The following GRM5 variants were observed in gnomAD, a reference collection of about 807,000 sequenced individuals.
The protein encoded by GRM5 is metabotropic glutamate receptor 5.
In GRM5, 19 loss-of-function variants were observed where a neutral mutation model predicts 83.1. The observed-to-expected ratio is 0.23, with a 90% CI of 0.16 to 0.34. The LOEUF (loss-of-function observed/expected upper bound fraction) is 0.34. Ranked by LOEUF, GRM5 falls within the 10% of genes least tolerant of loss-of-function variation. The pLI is 1.00. For synonymous variants in GRM5, 675 were observed against 633.6 expected (o/e 1.07, Z -0.98); for missense variants, 1,160 against 1,588.3 (o/e 0.73, Z 4.58).
At chr11:88,782,552 C>G (rs1300112294) in intron 3 of GRM5, among the ~76,000 whole-genome samples, 1 of 152,168 alleles carries the variant, frequency 6.6e-6, no homozygotes, top group Non-Finnish European at 1.5e-5. Flanking sequence ...GGTGGGGACA[C>G]AGTCAAACCA....
Position 88,873,453 on chromosome 11 carries a change from A to G in GRM5, c.662-23298T>C, listed in dbSNP as rs567484379. ...TGGAACATTCTCCAGGATAGACCAT[A>G]TGTGAAGTAAAAAAAATACTCTTAT... On this transcript the variant is annotated intron_variant, in intron 2 of 9. Transcript: ENST00000305447. 3.0e-4 allele frequency among the ~76,000 whole-genome samples: 45 copies of G among 151,784 alleles called. 1 individual carries two copies. In the South Asian group the frequency reaches 4.8e-3, roughly 16 times the overall value.
intron 2 of GRM5, among the ~76,000 whole-genome samples, chr11:89,019,730 C>A (rs966053252): frequency 2.0e-5 from 3 of 152,036 alleles, no homozygotes; most frequent in African/African-American, 4.8e-5. Flanking sequence ...ACAAACATAC[C>A]CTTTTATCTC....
At chr11:88,988,069 G>A (rs1249993324) in intron 2 of GRM5, among the ~76,000 whole-genome samples, 3 of 149,902 alleles carry the variant, frequency 2.0e-5, no homozygotes, top group Non-Finnish European at 3.0e-5. Context: ...TCTGAGCTAC[G>A]GGAGGACATT....
At chr11:89,058,471 T>A (rs1183978069) in intron 1 of GRM5, among the ~76,000 whole-genome samples, 1 of 152,144 alleles carries the variant, frequency 6.6e-6, no homozygotes, top group African/African-American at 2.4e-5. Context: ...AACACTAATT[T>A]ACATGAAAGT....
chr11:88,753,696 G>T (rs559435582), intron 3 of GRM5, among the ~76,000 whole-genome samples: 5 of 152,208 alleles, frequency 3.3e-5, no homozygotes, highest in African/African-American at 9.6e-5. Flanking sequence ...TGATAGGCTG[G>T]ATAAAGAAAA....
At chr11:88,616,924 C>A (rs1397203227) in intron 4 of GRM5, among the ~76,000 whole-genome samples, 1 of 152,090 alleles carries the variant, frequency 6.6e-6, no homozygotes, top group Non-Finnish European at 1.5e-5. Flanking sequence ...CTGTGTTCCT[C>A]ACAGATGTAG....
intron 3 of GRM5, among the ~76,000 whole-genome samples, chr11:88,704,671 TA>T (rs1941113784): frequency 6.6e-6 from 1 of 152,044 alleles, no homozygotes. Context: ...AGACCTTAAA[TA>T]AAACATGGGA....
At chr11:89,018,960 A>T (rs4753212) in intron 2 of GRM5, among the ~76,000 whole-genome samples, 73,179 of 151,874 alleles carry the variant, frequency 0.48, 18,371 homozygotes, top group South Asian at 0.64. Flanking sequence ...ATTATTATTA[A>T]CTAAAGCCTA....
chr11:88,877,829 GA>G (rs60787581), intron 2 of GRM5, among the ~76,000 whole-genome samples: 42 of 137,016 alleles, frequency 3.1e-4, no homozygotes, highest in East Asian at 2.4e-3. Flanking sequence ...CTCTGTGGAA[GA>G]AAAAAAAAAA....
At chr11:88,525,441 G>GA in intron 8 of GRM5, 37 bp from the exon 9 acceptor site, 1 of 1,285,272 alleles carries the variant, frequency 7.8e-7, no homozygotes, top group Non-Finnish European at 1.1e-6. Flanking sequence ...CAAACAGAAA[G>GA]ACGTGATTGT....
intron 2 of GRM5, among the ~76,000 whole-genome samples, chr11:88,877,318 C>T (rs1457322344): frequency 1.3e-5 from 2 of 151,624 alleles, no homozygotes; most frequent in African/African-American, 4.8e-5. Flanking sequence ...AAATTAGAAA[C>T]AATTAGATAA....
chr11:88,506,727 A>T lies in GRM5; in HGVS notation c.*1865T>A, dbSNP rs1396358725. 6.6e-6 allele frequency: 1 copy of T among 152,166 alleles called. No homozygotes were observed. Among genetic ancestry groups the T allele is most frequent in the Non-Finnish European group, 1.5e-5 (1 of 68,020 alleles). The allele number at this position is 152,166 out of a possible 1,614,324, so 9.4% of individuals were successfully genotyped here. A position where few individuals can be genotyped will look rare whatever the true frequency, so the allele number is the denominator to read the frequency against. Reference sequence around the variant, plus strand: ...GTTGCAAGTAAGAACAAATAGCAGAAAAGAAAACTCAAGCAGAATATTTAT... The same window carrying T: ...GTTGCAAGTAAGAACAAATAGCAGATAAGAAAACTCAAGCAGAATATTTAT... On this transcript the variant is annotated 3_prime_UTR_variant, in exon 10 of 10. Coordinates refer to ENST00000305447, the MANE Select transcript of GRM5 (RefSeq NM_001143831.3).
intron 1 of GRM5, among the ~76,000 whole-genome samples, chr11:89,054,788 A>AT (rs1416782190): frequency 6.6e-6 from 1 of 152,142 alleles, no homozygotes; most frequent in Non-Finnish European, 1.5e-5. Flanking sequence ...GTATGCTTTG[A>AT]TTTTCTCAAG....
chr11:88,581,264 T>C (rs1943208755), intron 7 of GRM5, among the ~76,000 whole-genome samples: 1 of 152,264 alleles, frequency 6.6e-6, no homozygotes, highest in African/African-American at 2.4e-5. Context: ...AGTAGAGTGA[T>C]AATAGTATTC....
intron 4 of GRM5, among the ~76,000 whole-genome samples, chr11:88,623,694 C>T (rs1217425903): frequency 6.6e-6 from 1 of 152,154 alleles, no homozygotes; most frequent in African/African-American, 2.4e-5. Context: ...AAGCTAAGTA[C>T]AGCAAAAGAA....
intron 3 of GRM5, among the ~76,000 whole-genome samples, chr11:88,846,992 G>A (rs970879740): frequency 6.6e-6 from 1 of 152,112 alleles, no homozygotes; most frequent in Non-Finnish European, 1.5e-5. Flanking sequence ...AGACAAGTTA[G>A]TAGAAAAGTA....
intron 2 of GRM5, among the ~76,000 whole-genome samples, chr11:88,987,768 A>T (rs1401033463): frequency 6.6e-6 from 1 of 151,794 alleles, no homozygotes; most frequent in Non-Finnish European, 1.5e-5. Flanking sequence ...CTCACACGGC[A>T]GGGTACTCCA....
intron 3 of GRM5, among the ~76,000 whole-genome samples, chr11:88,749,703 G>A (rs1035383526): frequency 6.6e-6 from 1 of 152,110 alleles, no homozygotes; most frequent in African/African-American, 2.4e-5. Flanking sequence ...GAAAGGCCAG[G>A]TCACTTACAA....
intron 2 of GRM5, among the ~76,000 whole-genome samples, chr11:88,958,411 T>A (rs1477986120): frequency 2.0e-5 from 3 of 151,764 alleles, no homozygotes; most frequent in Non-Finnish European, 4.4e-5. Context: ...CATAAAAAAA[T>A]TAAAAGAATT....
Sources: gnomAD v4.1 joint callset for allele counts (sites outside exome capture counted in the v4.1 genomes callset) on GRCh38, gnomAD v4.1.1 for gene constraint, MANE v1.5 for transcripts, NCBI Gene and HGNC (gene_info 2026-07-23, HGNC 2026-07-21) for gene names.